CLEC4A: variants seen among roughly 807,000 people sequenced by gnomAD.
The protein encoded by CLEC4A is C-type lectin domain family 4 member A.
CLEC4A carries 27 observed loss-of-function variants against 32.7 expected under a neutral mutation model. That is an observed-to-expected ratio of 0.83 (90% CI 0.61 to 1.14). The LOEUF (loss-of-function observed/expected upper bound fraction) is 1.14. Among genes scored for constraint, CLEC4A ranks in the 50% most tolerant of loss-of-function variants. The probability of loss-of-function intolerance (pLI) is 0.00; values close to 1 mark genes in which losing one functional copy is unlikely to be tolerated. For missense variants in CLEC4A, 253 were observed against 274.6 expected, an observed-to-expected ratio of 0.92 and a Z score of 0.55; for synonymous variants, 89 against 93.7, an observed-to-expected ratio of 0.95 and a Z score of 0.29.
the CLEC4A span, among the ~76,000 whole-genome samples, chr12:8,118,395 T>TAA: frequency 4.7e-5 from 7 of 147,796 alleles, no homozygotes; most frequent in African/African-American, 1.5e-4. Flanking sequence ...TGCACTGCTA[T>TAA]AAAAAAAAAA....
At chr12:8,103,373 G>GTTTTTTTTT in the CLEC4A span, among the ~76,000 whole-genome samples, 782 of 77,640 alleles carry the variant, frequency 0.01, 29 homozygotes, top group Middle Eastern at 0.026. Context: ...GTTTCTTTCT[G>GTTTTTTTTT]TTGTTTTTTT....
the CLEC4A span, among the ~76,000 whole-genome samples, chr12:8,114,934 C>A: frequency 6.6e-6 from 1 of 152,154 alleles, no homozygotes; most frequent in East Asian, 1.9e-4. Flanking sequence ...CAAGAATAGA[C>A]CAATTACTCG....
the CLEC4A span, among the ~76,000 whole-genome samples, chr12:8,105,775 T>G: frequency 6.6e-6 from 1 of 152,226 alleles, no homozygotes; most frequent in Non-Finnish European, 1.5e-5. Flanking sequence ...TGTTTATAGA[T>G]TCTGGATATC....
At chr12:8,111,900 A>G in the CLEC4A span, among the ~76,000 whole-genome samples, 2 of 149,438 alleles carry the variant, frequency 1.3e-5, no homozygotes, top group Non-Finnish European at 3.0e-5. Flanking sequence ...GTACATGTGC[A>G]GGTTTGTTAT....
chr12:8,134,668 G>A (rs1948062091), intron 3 of CLEC4A: 1 of 1,586,682 alleles, frequency 6.3e-7, no homozygotes, highest in Middle Eastern at 1.8e-4. Flanking sequence ...GGGGGACATG[G>A]GGGAATCCCC....
the CLEC4A span, among the ~76,000 whole-genome samples, chr12:8,111,084 A>C: frequency 6.6e-6 from 1 of 151,870 alleles, no homozygotes; most frequent in East Asian, 1.9e-4. Context: ...TGTGTTAGCC[A>C]GGATGGTCTC....
chr12:8,117,870 A>G, the CLEC4A span, among the ~76,000 whole-genome samples: 4 of 152,178 alleles, frequency 2.6e-5, no homozygotes, highest in East Asian at 3.9e-4. Flanking sequence ...AAGAATGACA[A>G]CCATTACTTG....
At chr12:8,117,102 T>C in the CLEC4A span, among the ~76,000 whole-genome samples, 1 of 152,192 alleles carries the variant, frequency 6.6e-6, no homozygotes, top group Non-Finnish European at 1.5e-5. Flanking sequence ...TTTCAGTTTT[T>C]TCCTTGGGTC....
intron 2 of CLEC4A, among the ~76,000 whole-genome samples, chr12:8,126,545 C>T (rs1373524949): frequency 2.6e-5 from 4 of 151,952 alleles, no homozygotes; most frequent in Non-Finnish European, 5.9e-5. Context: ...GCATAAAAAG[C>T]AGTATACATT....
chr12:8,123,769 G>T lies in CLEC4A; in HGVS notation c.-110G>T. On this transcript the variant is annotated 5_prime_UTR_variant, in exon 1 of 6. The change abolishes the stop of an existing upstream ORF in the 5' untranslated region. Transcript: ENST00000229332. ...CTGGTGCCTCTGCTCTCCACTAGTT[G>T]AGTGAAAGGAAGGAGGTAATTTACC... 2 of 712,816 alleles carry T rather than the reference G, an allele frequency of 2.8e-6. No homozygotes were observed. Among genetic ancestry groups the T allele is most frequent in the South Asian group, 3.3e-5 (2 of 61,278 alleles). 44.2% of individuals were successfully genotyped at this position (712,816 alleles called of 1,614,324 possible).
At chr12:8,121,599 G>A (rs1163556548), upstream of CLEC4A, 1 of 152,640 alleles carries the variant, frequency 6.6e-6, no homozygotes, top group Non-Finnish European at 1.5e-5. Flanking sequence ...CATCCCTTAG[G>A]GGTGGGAAAG....
At chr12:8,130,262 C>T (rs1333271180) in intron 3 of CLEC4A, among the ~76,000 whole-genome samples, 2 of 152,172 alleles carry the variant, frequency 1.3e-5, no homozygotes, top group Non-Finnish European at 2.9e-5. Context: ...ACTTTCTATA[C>T]ACATTTGCTC....
the CLEC4A span, among the ~76,000 whole-genome samples, chr12:8,111,281 G>A: frequency 1.4e-5 from 2 of 146,126 alleles, no homozygotes; most frequent in East Asian, 2.1e-4. Flanking sequence ...CCAGGTTCAA[G>A]CAATTCTCCT....
At chr12:8,129,805 C>CA (rs1213909178) in intron 3 of CLEC4A, among the ~76,000 whole-genome samples, 2 of 152,120 alleles carry the variant, frequency 1.3e-5, no homozygotes, top group East Asian at 3.9e-4. Flanking sequence ...ACCCAAAAGA[C>CA]AAAAAAACAA....
At chr12:8,134,252 C>A (rs1325871467) in intron 3 of CLEC4A, 25 of 1,612,264 alleles carry the variant, frequency 1.6e-5, no homozygotes, top group Non-Finnish European at 2.0e-5. Flanking sequence ...CAGCAAGGGC[C>A]GCAGCTCACA....
intron 5 of CLEC4A, among the ~76,000 whole-genome samples, chr12:8,137,290 C>G (rs11043522): frequency 7.0e-6 from 1 of 143,550 alleles, no homozygotes; most frequent in Admixed American, 7.0e-5. Flanking sequence ...CTTTTTTTTT[C>G]TTTTTTGAGA....
intron 4 of CLEC4A, among the ~76,000 whole-genome samples, chr12:8,136,226 A>G (rs1948113888): frequency 6.6e-6 from 1 of 152,244 alleles, no homozygotes; most frequent in Non-Finnish European, 1.5e-5. Context: ...TGAAGAAAAG[A>G]GGGGAAGTAA....
chr12:8,118,669 A>G (rs1024764734), upstream of CLEC4A, among the ~76,000 whole-genome samples: 4 of 152,030 alleles, frequency 2.6e-5, no homozygotes, highest in African/African-American at 4.8e-5. Flanking sequence ...GGGGAAATCT[A>G]CCCCCATGAT....
intron 3 of CLEC4A, chr12:8,134,279 A>G (rs759556496): frequency 2.5e-6 from 4 of 1,612,510 alleles, no homozygotes; most frequent in Non-Finnish European, 3.4e-6. Flanking sequence ...CTTGAAGCTA[A>G]GCTGCAGAGC....
Sources: gnomAD v4.1 joint callset for allele counts (sites outside exome capture counted in the v4.1 genomes callset) on GRCh38, gnomAD v4.1.1 for gene constraint, MANE v1.5 for transcripts, NCBI Gene and HGNC (gene_info 2026-07-23, HGNC 2026-07-21) for gene names.